Variants in MTFR2 observed in about 807,000 individuals in gnomAD.
The protein encoded by MTFR2 is DUF729 domain-containing protein 1.
MTFR2 carries 44 observed loss-of-function variants against 41.2 expected under a neutral mutation model. That is an observed-to-expected ratio of 1.07 (90% CI 0.84 to 1.37). The LOEUF is 1.37. Among genes scored for constraint, MTFR2 ranks in the 40% most tolerant of loss-of-function variants. MTFR2 has a pLI of 0.00. For synonymous variants in MTFR2, 141 were observed against 154.6 expected, an observed-to-expected ratio of 0.91 and a Z score of 0.65; for missense variants, 452 against 459.5, an observed-to-expected ratio of 0.98 and a Z score of 0.15.
At chr6:136,246,959 T>C (rs1278162614) in intron 2 of MTFR2, among the ~76,000 whole-genome samples, 1 of 152,188 alleles carries the variant, frequency 6.6e-6, no homozygotes, top group Non-Finnish European at 1.5e-5. Flanking sequence ...CACCACTTCA[T>C]TACCTGCAAG....
At chr6:136,240,998 G>A (rs1485405694) in intron 5 of MTFR2, among the ~76,000 whole-genome samples, 1 of 152,002 alleles carries the variant, frequency 6.6e-6, no homozygotes, top group Admixed American at 6.5e-5. Flanking sequence ...GGCTGAGGCA[G>A]GAGAATGGCG....
chr6:136,239,609 T>C lies in MTFR2; in HGVS notation c.726A>G (p.Pro242=), dbSNP rs1779994273. ...GGTTCTGTTTGCTCATTTCAGTTGC[T>C]GGATTATCTGAGTCACAAATATTAT... The part of the protein sequence containing the change: ...GSNNICDSDN[P]ATEMSKQNPA... The change falls in exon 6 of 8, where the codon CCA becomes CCG. Residue 242 remains proline (P), a synonymous_variant. Coordinates refer to ENST00000420702, the MANE Select transcript of MTFR2 (RefSeq NM_001099286.3). 1.2e-6 allele frequency: 2 copies of C among 1,614,056 alleles called. No homozygotes were observed. The highest frequency in any genetic ancestry group is 2.7e-5 in the African/African-American group (2 of 74,898).
intron 1 of MTFR2, among the ~76,000 whole-genome samples, chr6:136,249,633 T>G (rs747995514): frequency 6.6e-6 from 1 of 152,166 alleles, no homozygotes; most frequent in Non-Finnish European, 1.5e-5. Context: ...AACTGAATCA[T>G]GGGGGCAGCT....
At chr6:136,245,688 C>T (rs1266122013) in intron 2 of MTFR2, among the ~76,000 whole-genome samples, 1 of 152,124 alleles carries the variant, frequency 6.6e-6, no homozygotes. Flanking sequence ...GGTTGTGCAC[C>T]TGCGTTTTGA....
At chr6:136,236,183 T>C (rs996934757) in intron 6 of MTFR2, among the ~76,000 whole-genome samples, 4 of 152,078 alleles carry the variant, frequency 2.6e-5, no homozygotes, top group African/African-American at 9.7e-5. Flanking sequence ...AGAGTACATG[T>C]GTTTTGAAGG....
chr6:136,246,465 T>C (rs1780215283), intron 2 of MTFR2, among the ~76,000 whole-genome samples: 1 of 152,108 alleles, frequency 6.6e-6, no homozygotes, highest in South Asian at 2.1e-4. Flanking sequence ...ATATTTTTTA[T>C]AGAGACGAGG....
chr6:136,247,452 C>G (rs1311273153), intron 2 of MTFR2: 1 of 453,250 alleles, frequency 2.2e-6, no homozygotes, highest in East Asian at 7.0e-5. Context: ...AGATCCCTTG[C>G]CCAACTACCT....
At chr6:136,244,097 A>T (rs1363636822) in intron 3 of MTFR2, among the ~76,000 whole-genome samples, 1 of 152,194 alleles carries the variant, frequency 6.6e-6, no homozygotes, top group Non-Finnish European at 1.5e-5. Context: ...AAACATTTAT[A>T]AAAAAAGTTA....
intron 5 of MTFR2, among the ~76,000 whole-genome samples, chr6:136,240,433 T>G (rs1379820538): frequency 2.6e-5 from 4 of 151,810 alleles, no homozygotes. Flanking sequence ...ATAAATATCT[T>G]AAATTATATG....
At chr6:136,240,893 C>A (rs868246138) in intron 5 of MTFR2, among the ~76,000 whole-genome samples, 2 of 152,128 alleles carry the variant, frequency 1.3e-5, no homozygotes, top group East Asian at 3.9e-4. Context: ...AGATCGAGAC[C>A]ATCCTGGCTA....
chr6:136,233,808 A>C (rs1779832169), intron 6 of MTFR2, among the ~76,000 whole-genome samples: 1 of 152,120 alleles, frequency 6.6e-6, no homozygotes, highest in South Asian at 2.1e-4. Context: ...TGGGTAGGAA[A>C]ATTCAAATAA....
At chr6:136,247,371 T>C (rs1384541649) in intron 2 of MTFR2, 2 of 359,570 alleles carry the variant, frequency 5.6e-6, no homozygotes, top group African/African-American at 4.4e-5. Flanking sequence ...AAATCTCTTT[T>C]CACTCTCTCT....
intron 4 of MTFR2, among the ~76,000 whole-genome samples, chr6:136,242,047 T>C (rs2128458606): frequency 8.6e-6 from 1 of 116,838 alleles, no homozygotes; most frequent in African/African-American, 3.4e-5. Flanking sequence ...GCCATTGCAC[T>C]CCAGCCTGGT....
At chr6:136,247,385 T>A in intron 2 of MTFR2, 1 of 389,392 alleles carries the variant, frequency 2.6e-6, no homozygotes, top group Non-Finnish European at 5.0e-6. Context: ...TCTCTCTCAC[T>A]TTCATTCTGT....
rs1278712433 is a variant in MTFR2, at chr6:136,242,091, A to AC, written c.282-416_282-415insG. Among the ~76,000 whole-genome samples, 469 of 149,918 alleles carry AC rather than the reference A, an allele frequency of 3.1e-3. 7 individuals carry two copies. The highest frequency in any genetic ancestry group is 0.011 in the African/African-American group (459 of 41,016). ...TAAGACTCTGTCTCAAAAAAAAAAA[A>AC]AAAAAAAAAAAAAAAAACCTACTCT... On this transcript the variant is annotated intron_variant, in intron 4 of 7. Coordinates refer to ENST00000420702, the MANE Select transcript of MTFR2 (RefSeq NM_001099286.3).
chr6:136,249,882 T>C (rs1012555707), intron 1 of MTFR2, 94 bp downstream of exon 1: 9 of 152,218 alleles, frequency 5.9e-5, no homozygotes, highest in Non-Finnish European at 1.2e-4. Flanking sequence ...GTCACCCATC[T>C]AGTAACAGGC....
chr6:136,237,324 T>A (rs1329014383), intron 6 of MTFR2, among the ~76,000 whole-genome samples: 1 of 152,096 alleles, frequency 6.6e-6, no homozygotes, highest in Non-Finnish European at 1.5e-5. Flanking sequence ...ACCAGATGCT[T>A]ACCCAAGGCT....
Position 136,239,932 on chromosome 6 carries a change from G to A in MTFR2, c.515-112C>T, listed in dbSNP as rs77861370. On this transcript the variant is annotated intron_variant, in intron 5 of 7. Coordinates refer to ENST00000420702, the MANE Select transcript of MTFR2 (RefSeq NM_001099286.3). Reference sequence around the variant, plus strand: ...GAGCAATTTCTGTAATGCTAGTAGCGATATGGTAGCAAGGAAAGAGTGTCA... The same window carrying A: ...GAGCAATTTCTGTAATGCTAGTAGCAATATGGTAGCAAGGAAAGAGTGTCA... 679 of 782,926 alleles carry A rather than the reference G, an allele frequency of 8.7e-4. 4 individuals carry two copies. The African/African-American group carries it at 1.0e-2, about 11-fold the overall frequency. The allele number at this position is 782,926 out of a possible 1,614,324, so 48.5% of individuals were successfully genotyped here.
Position 136,239,756 on chromosome 6 carries a change from A to G in MTFR2, c.579T>C (p.His193=). The change falls in exon 6 of 8, where the codon CAT becomes CAC. Residue 193 remains histidine, a synonymous_variant. Coordinates refer to ENST00000420702, the MANE Select transcript of MTFR2 (RefSeq NM_001099286.3). ...LGQLSSSRAA[H]LSVDPDQLPG... ...GAAGCTGATCTGGGTCCACACTCAG[A>G]TGGGCAGCCCGCGATGATGACAGCT... The G allele has an allele frequency of 1.9e-6, 3 of 1,614,162 alleles. No individual in the cohort carries two copies. The highest frequency in any genetic ancestry group is 2.5e-6 in the Non-Finnish European group (3 of 1,180,028).
Sources: gnomAD v4.1 joint callset for allele counts (sites outside exome capture counted in the v4.1 genomes callset) on GRCh38, gnomAD v4.1.1 for gene constraint, MANE v1.5 for transcripts, NCBI Gene and HGNC (gene_info 2026-07-23, HGNC 2026-07-21) for gene names.